Variants in RNF169 observed in about 807,000 individuals in gnomAD.
RNF169 encodes E3 ubiquitin-protein ligase RNF169.
In RNF169, 24 loss-of-function variants were observed where a neutral mutation model predicts 53.9. The ratio of observed to expected loss-of-function variants is 0.45; its 90% CI spans 0.32 to 0.63. The LOEUF is 0.63. Among genes scored for constraint, RNF169 ranks in the 20% least tolerant of loss-of-function variants. The pLI, the probability that RNF169 is intolerant of heterozygous loss-of-function variation, is 0.04. For missense variants in RNF169, 883 were observed against 906.2 expected (o/e 0.97, Z 0.33); for synonymous variants, 396 against 363.5 (o/e 1.09, Z -1.02).
At chr11:74,778,848 A>T (rs990579529) in intron 1 of RNF169, among the ~76,000 whole-genome samples, 2 of 152,206 alleles carry the variant, frequency 1.3e-5, no homozygotes, top group Non-Finnish European at 2.9e-5. Context: ...CCTAGCTTGG[A>T]ACACACATTC....
At position 74,779,549 on chromosome 11, in the gene RNF169, G is replaced by A. The variant is rs182328928; in HGVS notation, c.503-10077G>A. ...TACTTGGCTATCATCTATATTCTTG[G>A]AGAATCAGAAGGAGTAAACCAAAAA... On this transcript the variant is annotated intron_variant, in intron 1 of 5. Transcript: ENST00000299563. Among the ~76,000 whole-genome samples, 34 of 152,176 alleles carry A rather than the reference G, an allele frequency of 2.2e-4. No individual in the cohort carries two copies. In the East Asian group the frequency reaches 6.2e-3, roughly 28 times the overall value.
chr11:74,782,532 C>CCGCAA (rs2035430817), intron 1 of RNF169, among the ~76,000 whole-genome samples: 1 of 152,144 alleles, frequency 6.6e-6, no homozygotes, highest in South Asian at 2.1e-4. Flanking sequence ...TCTGCTCCCC[C>CCGCAA]CGCAACCCCT....
chr11:74,760,400 G>A (rs1386127567), intron 1 of RNF169, among the ~76,000 whole-genome samples: 2 of 151,676 alleles, frequency 1.3e-5, no homozygotes, highest in Non-Finnish European at 3.0e-5. Context: ...TAATTGTGAT[G>A]TTAGGGTGTC....
Position 74,835,743 on chromosome 11 carries a change from C to A in RNF169, c.1140C>A (p.Asn380Lys). 6.2e-7 allele frequency: 1 copy of A among 1,614,208 alleles called. No homozygotes were observed. Among genetic ancestry groups the A allele is most frequent in the Non-Finnish European group, 8.5e-7 (1 of 1,180,030 alleles). Residue 380 changes from asparagine to lysine, a missense_variant, in exon 6 of 6, where the codon AAC (asparagine) becomes AAA (lysine). Physicochemically the swap from Asn to Lys is moderately conservative, Grantham distance 94. Coordinates refer to ENST00000299563, the MANE Select transcript of RNF169 (RefSeq NM_001098638.2). ...ATGACAGCATCTCCGAAGAACTAAA[C>A]CATTTCAAGCCCATTGTCTGCTCAC... The part of the protein sequence containing the change: ...ESNDSISEEL[N>K]HFKPIVCSPC...
intron 4 of RNF169, among the ~76,000 whole-genome samples, chr11:74,824,574 T>C (rs1281240997): frequency 6.6e-6 from 1 of 152,052 alleles, no homozygotes; most frequent in Non-Finnish European, 1.5e-5. Context: ...ATCAAACTGT[T>C]GAAAGCCAAA....
intron 1 of RNF169, among the ~76,000 whole-genome samples, chr11:74,766,962 C>T (rs2035183745): frequency 6.6e-6 from 1 of 152,138 alleles, no homozygotes; most frequent in Admixed American, 6.6e-5. Flanking sequence ...AAGTACAGGC[C>T]ACTCTCATGA....
intron 1 of RNF169, among the ~76,000 whole-genome samples, chr11:74,776,203 C>T (rs541316070): frequency 4.4e-4 from 67 of 152,234 alleles, no homozygotes; most frequent in African/African-American, 1.6e-3. Context: ...GTATGTACAA[C>T]TAAATTTTTA....
At chr11:74,813,617 C>G (rs562542765) in intron 3 of RNF169, among the ~76,000 whole-genome samples, 1 of 152,308 alleles carries the variant, frequency 6.6e-6, no homozygotes, top group African/African-American at 2.4e-5. Flanking sequence ...CATATAGATA[C>G]ATTCATTTCT....
chr11:74,750,704 C>T (rs935999861), intron 1 of RNF169, among the ~76,000 whole-genome samples: 1 of 140,666 alleles, frequency 7.1e-6, no homozygotes, highest in Non-Finnish European at 1.5e-5. Flanking sequence ...CCTTCAGGTT[C>T]AAGCGATTCT....
intron 2 of RNF169, among the ~76,000 whole-genome samples, chr11:74,794,896 C>G (rs1435730571): frequency 1.3e-5 from 2 of 152,112 alleles, no homozygotes; most frequent in Non-Finnish European, 2.9e-5. Context: ...ATCCTGGGCT[C>G]TTAAGTGATC....
At chr11:74,774,240 G>A (rs989474885) in intron 1 of RNF169, among the ~76,000 whole-genome samples, 1 of 151,764 alleles carries the variant, frequency 6.6e-6, no homozygotes, top group African/African-American at 2.4e-5. Flanking sequence ...CGGCTGCTCA[G>A]GAGGCTGAGG....
intron 1 of RNF169, among the ~76,000 whole-genome samples, chr11:74,781,107 TGAG>T (rs912888964): frequency 6.6e-6 from 1 of 152,154 alleles, no homozygotes; most frequent in African/African-American, 2.4e-5. Flanking sequence ...TCTCCAGTGT[TGAG>T]GAGAAAAAGT....
intron 3 of RNF169, among the ~76,000 whole-genome samples, chr11:74,814,848 C>T (rs556637890): frequency 5.3e-5 from 8 of 152,022 alleles, no homozygotes; most frequent in African/African-American, 1.9e-4. Context: ...CTTATTAGTT[C>T]CTTAGAATAA....
intron 2 of RNF169, among the ~76,000 whole-genome samples, chr11:74,792,883 T>A (rs946355580): frequency 6.6e-6 from 1 of 152,200 alleles, no homozygotes; most frequent in Non-Finnish European, 1.5e-5. Context: ...GAAACACTCA[T>A]CTATATCATT....
chr11:74,834,896 T>C (rs1411597692), intron 5 of RNF169, 121 bp downstream of exon 5: 5 of 601,192 alleles, frequency 8.3e-6, no homozygotes, highest in Non-Finnish European at 1.4e-5. Flanking sequence ...GCATACTAGT[T>C]ATATTGGAGA....
At chr11:74,789,889 C>T (rs1427710591) in intron 2 of RNF169, among the ~76,000 whole-genome samples, 190 bp downstream of exon 2, 1 of 152,190 alleles carries the variant, frequency 6.6e-6, no homozygotes, top group Non-Finnish European at 1.5e-5. Context: ...CCAAGATTCC[C>T]TTTTTAGTTG....
intron 1 of RNF169, among the ~76,000 whole-genome samples, chr11:74,767,508 C>A (rs1054097006): frequency 3.4e-4 from 51 of 152,078 alleles, no homozygotes; most frequent in African/African-American, 9.9e-4. Flanking sequence ...CAGGTTCAAG[C>A]CTCCCGAGTA....
rs961105354 is a variant in RNF169, at chr11:74,835,471, C to T, written c.943-75C>T. 8.8e-6 allele frequency: 10 copies of T among 1,134,260 alleles called. 1 individual carries two copies. The highest frequency in any genetic ancestry group is 2.0e-5 in the Admixed American group (1 of 49,164). 70.3% of individuals were successfully genotyped at this position (1,134,260 alleles called of 1,614,324 possible). A position where few individuals can be genotyped will look rare whatever the true frequency, so the allele number is the denominator to read the frequency against. On this transcript the variant is annotated intron_variant, in intron 5 of 5. Transcript: ENST00000299563. The stretch of plus-strand genomic sequence containing the variant: ...TGTCCTCCCCTTCCCTGTGCCTCCA[C>T]CATCATAAAGGAATGATGAAGGAAA...
intron 2 of RNF169, among the ~76,000 whole-genome samples, chr11:74,793,778 G>T (rs544492521): frequency 6.6e-6 from 1 of 152,192 alleles, no homozygotes; most frequent in Non-Finnish European, 1.5e-5. Context: ...TGCATGTGTT[G>T]TAGTTAGTTG....
Sources: allele counts gnomAD v4.1 joint callset (sites outside exome capture counted in the v4.1 genomes callset), GRCh38; gene constraint gnomAD v4.1.1; transcripts MANE v1.5; gene names NCBI Gene and HGNC (gene_info 2026-07-23, HGNC 2026-07-21).